The following SEMA6D variants were observed in gnomAD, a reference collection of about 807,000 sequenced individuals.
SEMA6D encodes semaphorin 6D.
SEMA6D carries 35 observed loss-of-function variants against 106.6 expected under a neutral mutation model. The ratio of observed to expected loss-of-function variants is 0.33; its 90% CI spans 0.25 to 0.44. The LOEUF is 0.44. SEMA6D is among the 20% of genes least tolerant of loss of function. The pLI is 1.00. For missense variants in SEMA6D, 1,185 were observed against 1,345.9 expected, an observed-to-expected ratio of 0.88 and a Z score of 1.87; for synonymous variants, 499 against 487.7, an observed-to-expected ratio of 1.02 and a Z score of -0.31.
chr15:47,593,905 GC>G (rs1823363079), intron 3 of SEMA6D, among the ~76,000 whole-genome samples: 1 of 152,188 alleles, frequency 6.6e-6, no homozygotes, highest in Non-Finnish European at 1.5e-5. Context: ...AGGGGATGGT[GC>G]TAAACCATTC....
intron 13 of SEMA6D, chr15:47,765,375 T>A (rs772083664): frequency 1.1e-5 from 12 of 1,133,082 alleles, no homozygotes; most frequent in Non-Finnish European, 1.2e-5. Flanking sequence ...GCTGTGAGCT[T>A]GCATACACAC....
chr15:47,709,712 G>T (rs2146047434), intron 4 of SEMA6D, among the ~76,000 whole-genome samples: 1 of 152,216 alleles, frequency 6.6e-6, no homozygotes, highest in African/African-American at 2.4e-5. Context: ...TAGAGTATCT[G>T]CAGAAATGTC....
Position 47,427,676 on chromosome 15 carries a change from T to C in SEMA6D, c.-159+15204T>C, listed in dbSNP as rs544379813. ...TTGCTGTGAAGTGGAAATAATGTTA[T>C]CTTCTCTAACTCACAGTGAGTCATT... On this transcript the variant is annotated intron_variant, in intron 2 of 19. Transcript: ENST00000558014. 3.0e-4 allele frequency among the ~76,000 whole-genome samples: 46 copies of C among 152,286 alleles called. No individual in the cohort carries two copies. In the South Asian group the frequency reaches 8.9e-3, roughly 29 times the overall value.
At chr15:47,595,360 A>T (rs1174336785) in intron 3 of SEMA6D, among the ~76,000 whole-genome samples, 1 of 152,194 alleles carries the variant, frequency 6.6e-6, no homozygotes, top group Non-Finnish European at 1.5e-5. Flanking sequence ...CATTTTGCTA[A>T]TATGATATTT....
intron 1 of SEMA6D, among the ~76,000 whole-genome samples, chr15:47,311,185 G>T (rs1257535719): frequency 6.6e-6 from 1 of 152,208 alleles, no homozygotes; most frequent in African/African-American, 2.4e-5. Flanking sequence ...TACTTGATAT[G>T]TTTATTTAGG....
intron 2 of SEMA6D, among the ~76,000 whole-genome samples, chr15:47,462,119 A>C (rs924308271): frequency 2.6e-5 from 4 of 151,754 alleles, no homozygotes; most frequent in Non-Finnish European, 4.4e-5. Context: ...AGTGTGATAT[A>C]CTCTTCCCAT....
At chr15:47,764,549 T>C in intron 11 of SEMA6D, 89 bp from the exon 12 acceptor site, 1 of 1,548,018 alleles carries the variant, frequency 6.5e-7, no homozygotes, top group Non-Finnish European at 8.8e-7. Flanking sequence ...CTTGACCTCT[T>C]CTCTGAGAAT....
chr15:47,731,933 A>G (rs938787169), intron 1 of SEMA6D, among the ~76,000 whole-genome samples: 2 of 152,234 alleles, frequency 1.3e-5, no homozygotes, highest in African/African-American at 4.8e-5. Context: ...ATAGCCTTCA[A>G]CGTCAGACAG....
chr15:47,357,660 G>A lies in SEMA6D; in HGVS notation c.-238-54733G>A, dbSNP rs541542819. ...TGCCTGCTTACATTCTAGCCGTGCT[G>A]GCAGCTGATTAGATTGTGCCCACCC... On this transcript the variant is annotated intron_variant, in intron 1 of 19. Coordinates refer to the SEMA6D transcript ENST00000558014. Among the ~76,000 whole-genome samples, 17 of 152,212 alleles carry A rather than the reference G, an allele frequency of 1.1e-4. No individual in the cohort carries two copies. In the East Asian group the frequency reaches 2.9e-3, roughly 26 times the overall value.
At chr15:47,706,847 A>G (rs965403833) in intron 4 of SEMA6D, among the ~76,000 whole-genome samples, 5 of 152,236 alleles carry the variant, frequency 3.3e-5, no homozygotes, top group South Asian at 2.1e-4. Flanking sequence ...TTGTAATCCT[A>G]TAACTATTAC....
chr15:47,325,845 T>G (rs1463600557), intron 1 of SEMA6D, among the ~76,000 whole-genome samples: 1 of 152,060 alleles, frequency 6.6e-6, no homozygotes, highest in Non-Finnish European at 1.5e-5. Context: ...ACTTCTGGAG[T>G]TAAAAAATAA....
At chr15:47,318,348 T>C (rs2036775393) in intron 1 of SEMA6D, among the ~76,000 whole-genome samples, 1 of 141,284 alleles carries the variant, frequency 7.1e-6, no homozygotes. Context: ...ACATGTGCCA[T>C]GCTGGTGTGC....
chr15:47,247,082 T>C, intron 1 of SEMA6D, among the ~76,000 whole-genome samples: 1 of 152,188 alleles, frequency 6.6e-6, no homozygotes, highest in East Asian at 1.9e-4. Context: ...ACTAGACCTT[T>C]GCTAACTGCA....
At chr15:47,716,695 A>G (rs567955702), upstream of SEMA6D, among the ~76,000 whole-genome samples, 8 of 152,082 alleles carry the variant, frequency 5.3e-5, no homozygotes, top group African/African-American at 7.2e-5. Flanking sequence ...GTGACAGTCA[A>G]TTTTAAATGA....
intron 4 of SEMA6D, among the ~76,000 whole-genome samples, chr15:47,693,387 G>A (rs189187262): frequency 3.9e-5 from 6 of 152,158 alleles, no homozygotes; most frequent in South Asian, 2.1e-4. Context: ...CCACCCAGTC[G>A]GTGGCACTTT....
At chr15:47,311,774 G>A (rs535429311) in intron 1 of SEMA6D, among the ~76,000 whole-genome samples, 4 of 151,984 alleles carry the variant, frequency 2.6e-5, no homozygotes, top group South Asian at 2.1e-4. Context: ...TTCATATTTC[G>A]TCCTTGCCTA....
chr15:47,638,928 C>T (rs567895231), intron 4 of SEMA6D, among the ~76,000 whole-genome samples: 3 of 152,224 alleles, frequency 2.0e-5, no homozygotes, highest in South Asian at 2.1e-4. Flanking sequence ...AGGAAAAAGG[C>T]TGGTCCCCAG....
Position 47,765,074 on chromosome 15 carries a change from G to T in SEMA6D, c.1427+18G>T, listed in dbSNP as rs2082265629. 1 of 1,612,716 alleles carries T rather than the reference G, an allele frequency of 6.2e-7. No individual in the cohort carries two copies. The highest frequency in any genetic ancestry group is 1.3e-5 in the African/African-American group (1 of 74,884). On this transcript the variant is annotated intron_variant, in intron 13 of 18. Coordinates refer to ENST00000536845, the MANE Select transcript of SEMA6D (RefSeq NM_001358351.3). ...CATGCAAAGTAGGTATATGTTACGA[G>T]AACGCCCTTCAGCACTGCTCAAAAA...
chr15:47,508,711 G>A (rs553129632), intron 3 of SEMA6D, among the ~76,000 whole-genome samples: 22 of 152,286 alleles, frequency 1.4e-4, no homozygotes, highest in African/African-American at 2.6e-4. Context: ...TTGTTATCCC[G>A]CAGGGAGTAC....
Sources: allele counts gnomAD v4.1 joint callset (sites outside exome capture counted in the v4.1 genomes callset), GRCh38; gene constraint gnomAD v4.1.1; transcripts MANE v1.5; gene names NCBI Gene and HGNC (gene_info 2026-07-23, HGNC 2026-07-21).